ST6GALNAC3: variants seen among roughly 807,000 people sequenced by gnomAD.
ST6GALNAC3 encodes the protein ST6 N-acetylgalactosaminide alpha-2,6-sialyltransferase 3, also known as alpha-N-acetylgalactosaminide alpha-2,6-sialyltransferase 3.
Under a neutral mutation model 32.7 loss-of-function variants are expected in ST6GALNAC3, and 25 were observed. The ratio of observed to expected loss-of-function variants is 0.76; its 90% CI spans 0.56 to 1.07. The LOEUF is 1.07. Among genes scored for constraint, ST6GALNAC3 ranks in the 50% least tolerant of loss-of-function variants. The probability of loss-of-function intolerance (pLI) is 0.00; values close to 1 mark genes in which losing one functional copy is unlikely to be tolerated. For synonymous variants in ST6GALNAC3, 129 were observed against 133.1 expected, an observed-to-expected ratio of 0.97 and a Z score of 0.21; for missense variants, 355 against 382.4, an observed-to-expected ratio of 0.93 and a Z score of 0.60.
chr1:76,264,496 AAAT>A (rs1456592247), intron 1 of ST6GALNAC3, among the ~76,000 whole-genome samples: 2 of 152,154 alleles, frequency 1.3e-5, no homozygotes, highest in African/African-American at 2.4e-5. Flanking sequence ...TCTTCTATAA[AAAT>A]AATAATTTGC....
intron 2 of ST6GALNAC3, among the ~76,000 whole-genome samples, chr1:76,351,666 T>TC: frequency 6.6e-6 from 1 of 152,280 alleles, no homozygotes; most frequent in South Asian, 2.1e-4. Flanking sequence ...TAAAATTTTT[T>TC]CAGAGTTTAT....
intron 2 of ST6GALNAC3, among the ~76,000 whole-genome samples, chr1:76,346,271 A>C (rs985070028): frequency 3.3e-4 from 50 of 152,210 alleles, no homozygotes; most frequent in African/African-American, 1.2e-3. Context: ...CAGGTAAGTA[A>C]ATTTTCCAAG....
chr1:76,202,759 C>G (rs969972107), intron 1 of ST6GALNAC3, among the ~76,000 whole-genome samples: 4 of 152,138 alleles, frequency 2.6e-5, no homozygotes, highest in Non-Finnish European at 5.9e-5. Flanking sequence ...GCAAGCAAGT[C>G]ATCTGTATAT....
chr1:76,137,768 T>G (rs1355563359), intron 1 of ST6GALNAC3, among the ~76,000 whole-genome samples: 2 of 152,192 alleles, frequency 1.3e-5, no homozygotes, highest in African/African-American at 4.8e-5. Flanking sequence ...CAAGAGATTC[T>G]ATCACTTACC....
intron 3 of ST6GALNAC3, among the ~76,000 whole-genome samples, chr1:76,562,028 A>C (rs927997846): frequency 6.6e-6 from 1 of 152,186 alleles, no homozygotes; most frequent in African/African-American, 2.4e-5. Flanking sequence ...ATTTATATGA[A>C]ATGTCCAGAA....
chr1:76,221,506 C>G (rs1387472224), intron 1 of ST6GALNAC3, among the ~76,000 whole-genome samples: 1 of 152,166 alleles, frequency 6.6e-6, no homozygotes. Context: ...CTCACCAGCT[C>G]TAGCCTCTTT....
chr1:76,557,002 C>T (rs1402413999), intron 3 of ST6GALNAC3, among the ~76,000 whole-genome samples: 1 of 151,846 alleles, frequency 6.6e-6, no homozygotes, highest in African/African-American at 2.4e-5. Context: ...AGAATTTTAG[C>T]TCTTATGCTT....
chr1:76,188,762 T>C (rs1316915755), intron 1 of ST6GALNAC3, among the ~76,000 whole-genome samples: 1 of 152,218 alleles, frequency 6.6e-6, no homozygotes, highest in Non-Finnish European at 1.5e-5. Context: ...ATTCATTAAC[T>C]GCCAGTGGAT....
In ST6GALNAC3 at chr1:76,614,718, CAAAAAAAAAAAAAAAAAAA is replaced by C. The variant is rs55744575; in HGVS notation, c.624-12716_624-12698del. On this transcript the variant is annotated intron_variant, in intron 3 of 4. Transcript: ENST00000328299. Reference sequence around the variant, plus strand: ...TGGGTGACAGAGCGAGACTCCATCTCAAAAAAAAAAAAAAAAAAAAAAAAAAAAAAAAAAAATTAATAAA... The same window carrying C: ...TGGGTGACAGAGCGAGACTCCATCTCAAAAAAAAAAAAAAAAATTAATAAA... 1.1e-3 allele frequency among the ~76,000 whole-genome samples: 73 copies of C among 67,524 alleles called. 1 individual carries two copies. The highest frequency in any genetic ancestry group is 4.6e-3 in the African/African-American group (68 of 14,696). 44.3% of individuals were successfully genotyped at this position (67,524 alleles called of 152,430 possible).
intron 3 of ST6GALNAC3, among the ~76,000 whole-genome samples, chr1:76,615,283 T>C (rs974584217): frequency 1.3e-5 from 2 of 152,150 alleles, no homozygotes; most frequent in African/African-American, 2.4e-5. Context: ...CTCCTCTGAA[T>C]ATGTAGTTCT....
intron 2 of ST6GALNAC3, chr1:76,353,937 A>G: frequency 5.6e-6 from 1 of 179,552 alleles, no homozygotes. Context: ...TGAAAGCCCC[A>G]GGGATTCTAA....
At chr1:76,610,241 G>T (rs1647833149) in intron 3 of ST6GALNAC3, among the ~76,000 whole-genome samples, 1 of 152,142 alleles carries the variant, frequency 6.6e-6, no homozygotes, top group African/African-American at 2.4e-5. Context: ...TTGTCAGTGA[G>T]CTTGTAATTA....
rs575440076 is a variant in ST6GALNAC3 at position 76,096,337 on chromosome 1, G to A, written c.18+21453G>A. Among the ~76,000 whole-genome samples, 774 of 152,174 alleles carry A rather than the reference G, an allele frequency of 5.1e-3. 5 individuals are homozygous for A. The highest frequency in any genetic ancestry group is 8.6e-3 in the Non-Finnish European group (583 of 68,006). ...TAAGAAAAAAAACAATCCTGGTGCC[G>A]GGACTGTTAGGCTTCCTGTCTTTTC... On this transcript the variant is annotated intron_variant, in intron 1 of 4. Coordinates refer to ENST00000328299, the MANE Select transcript of ST6GALNAC3 (RefSeq NM_152996.4).
intron 1 of ST6GALNAC3, among the ~76,000 whole-genome samples, chr1:76,117,482 T>C (rs984732495): frequency 6.6e-6 from 1 of 152,236 alleles, no homozygotes; most frequent in African/African-American, 2.4e-5. Flanking sequence ...TTTTAGAAGG[T>C]GATGCAAACA....
chr1:76,282,866 T>TAAA (rs35306096), intron 1 of ST6GALNAC3, among the ~76,000 whole-genome samples: 17,846 of 139,180 alleles, frequency 0.13, 1,701 homozygotes, highest in East Asian at 0.31. Flanking sequence ...CCATCTCTAC[T>TAAA]AAAAAAAAAA....
intron 3 of ST6GALNAC3, among the ~76,000 whole-genome samples, chr1:76,456,042 T>C (rs1251241446): frequency 6.6e-6 from 1 of 152,038 alleles, no homozygotes; most frequent in African/African-American, 2.4e-5. Flanking sequence ...GAAGTTATTC[T>C]GCACCTGTAG....
chr1:76,215,684 G>A (rs1158174164), intron 1 of ST6GALNAC3, among the ~76,000 whole-genome samples: 1 of 152,186 alleles, frequency 6.6e-6, no homozygotes, highest in East Asian at 1.9e-4. Flanking sequence ...GACAGTGAGT[G>A]GATGGCAATT....
intron 3 of ST6GALNAC3, among the ~76,000 whole-genome samples, chr1:76,625,870 A>G (rs1448632655): frequency 6.6e-6 from 1 of 151,932 alleles, no homozygotes; most frequent in Non-Finnish European, 1.5e-5. Flanking sequence ...ATACACCAGA[A>G]GATGCGAAGG....
intron 2 of ST6GALNAC3, among the ~76,000 whole-genome samples, chr1:76,365,873 A>G (rs1217426367): frequency 6.6e-6 from 1 of 152,190 alleles, no homozygotes; most frequent in Non-Finnish European, 1.5e-5. Context: ...GTATACATCA[A>G]TAAACACAAT....
Sources: allele counts gnomAD v4.1 joint callset (sites outside exome capture counted in the v4.1 genomes callset), GRCh38; gene constraint gnomAD v4.1.1; transcripts MANE v1.5; gene names NCBI Gene and HGNC (gene_info 2026-07-23, HGNC 2026-07-21).